The following TMEM161B variants were observed in gnomAD, a reference collection of about 807,000 sequenced individuals.
TMEM161B encodes the protein transmembrane protein 161B.
TMEM161B carries 34 observed loss-of-function variants against 61.8 expected under a neutral mutation model. That is an observed-to-expected ratio of 0.55 (90% CI 0.42 to 0.73). The LOEUF is 0.73. Among genes scored for constraint, TMEM161B ranks in the 30% least tolerant of loss-of-function variants. The pLI is 0.00. For missense variants in TMEM161B, 456 were observed against 558.5 expected (o/e 0.82, Z 1.85); for synonymous variants, 167 against 192.8 (o/e 0.87, Z 1.11).
rs201363995 is a variant in TMEM161B, at chr5:88,228,528, A to G, written c.108T>C (p.Ser36=). The G allele has an allele frequency of 5.0e-6, 8 of 1,588,694 alleles. No individual in the cohort carries two copies. In the East Asian group the frequency reaches 1.6e-4, roughly 31 times the overall value. ...CTGTAGGATGTTGATACCACCTCAA[A>G]CTAAGCAAAAAAAGAATTCTTTTAA... ...SLARWLLCNG[S]LRWYQHPTEE... Residue 36 remains serine, a splice_region_variant and synonymous_variant, in exon 3 of 12, where the codon AGT becomes AGC. Transcript: ENST00000296595.
intron 8 of TMEM161B, among the ~76,000 whole-genome samples, chr5:88,203,324 C>G (rs746971923): frequency 3.3e-5 from 5 of 152,044 alleles, no homozygotes; most frequent in Non-Finnish European, 7.4e-5. Flanking sequence ...AAATGACTTG[C>G]TCTTGGCAAT....
downstream of TMEM161B, among the ~76,000 whole-genome samples, chr5:88,186,614 T>A (rs1019725008): frequency 9.2e-5 from 14 of 152,104 alleles, no homozygotes; most frequent in African/African-American, 3.4e-4. Context: ...TTAATTTCTA[T>A]GAAATCTTTT....
chr5:88,188,637 CAGAGA>C (rs1400698304), downstream of TMEM161B, among the ~76,000 whole-genome samples: 1 of 152,148 alleles, frequency 6.6e-6, no homozygotes, highest in Non-Finnish European at 1.5e-5. Context: ...GGACGAGCCG[CAGAGA>C]AAACTCCTCA....
chr5:88,224,030 T>A (rs577270509), intron 4 of TMEM161B, among the ~76,000 whole-genome samples: 1 of 152,330 alleles, frequency 6.6e-6, no homozygotes, highest in South Asian at 2.1e-4. Flanking sequence ...TTCACGTATT[T>A]CGAAGCCACT....
intron 5 of TMEM161B, among the ~76,000 whole-genome samples, chr5:88,219,343 C>T (rs181457918): frequency 1.3e-5 from 2 of 152,080 alleles, no homozygotes; most frequent in East Asian, 3.9e-4. Flanking sequence ...AAGCTTAAAA[C>T]TAAAATCAAG....
chr5:88,185,606 A>C (rs1748322323), downstream of TMEM161B, among the ~76,000 whole-genome samples: 1 of 152,232 alleles, frequency 6.6e-6, no homozygotes. Context: ...TATATGTTCA[A>C]GAAAGTAGAG....
intron 2 of TMEM161B, among the ~76,000 whole-genome samples, chr5:88,235,078 T>C (rs989815111): frequency 6.6e-6 from 1 of 152,176 alleles, no homozygotes; most frequent in African/African-American, 2.4e-5. Context: ...ATCATTCTTA[T>C]ATAAACCTCT....
At chr5:88,249,004 G>C (rs975711799) in intron 1 of TMEM161B, among the ~76,000 whole-genome samples, 10 of 152,014 alleles carry the variant, frequency 6.6e-5, no homozygotes, top group South Asian at 2.1e-4. Flanking sequence ...CAAAGAAATG[G>C]AAAGTGGTTT....
chr5:88,228,625 C>T (rs1400410968), intron 2 of TMEM161B, 97 bp from the exon 3 acceptor site: 1 of 882,882 alleles, frequency 1.1e-6, no homozygotes, highest in Non-Finnish European at 1.7e-6. Flanking sequence ...TTTGTGAAGA[C>T]ACTGTCGAGA....
At chr5:88,236,595 A>G (rs1223101127) in intron 2 of TMEM161B, among the ~76,000 whole-genome samples, 1 of 152,226 alleles carries the variant, frequency 6.6e-6, no homozygotes, top group African/African-American at 2.4e-5. Context: ...GAGGGAAAGC[A>G]GTTCACAACA....
At chr5:88,222,899 G>A (rs1200545460) in intron 4 of TMEM161B, among the ~76,000 whole-genome samples, 5 of 151,936 alleles carry the variant, frequency 3.3e-5, no homozygotes, top group Non-Finnish European at 7.4e-5. Flanking sequence ...AGTTAAGACA[G>A]AAAACCCCAT....
At position 88,197,715 on chromosome 5, in the gene TMEM161B, C is replaced by T. The variant is rs781617561; in HGVS notation, c.1140G>A (p.Ala380=). 21 of 1,612,940 alleles carry T rather than the reference C, an allele frequency of 1.3e-5. No homozygotes were observed. Among genetic ancestry groups the T allele is most frequent in the Admixed American group, 1.7e-5 (1 of 59,942 alleles). ...TTGTGTGAAGCAGCATTACCAGAGG[C>T]GCCACATACTGCAGTGCAATGACAC... ...YLCVIALQYV[A]PLVMLLHTTL... is the part of the protein sequence containing the mutation. Residue 380 remains alanine, a synonymous_variant, in exon 11 of 12, where the codon GCG becomes GCA. Transcript: ENST00000296595.
Position 88,228,547 on chromosome 5 carries a change from C to A in TMEM161B, c.108-19G>T, listed in dbSNP as rs369967221. On this transcript the variant is annotated intron_variant, in intron 2 of 11. Coordinates refer to ENST00000296595, the MANE Select transcript of TMEM161B (RefSeq NM_153354.5). ...CCTCAAACTAAGCAAAAAAAGAATT[C>A]TTTTAAATAAAGCGCTTAAAATCAC... 1.9e-6 allele frequency: 3 copies of A among 1,543,562 alleles called. No individual in the cohort carries two copies. Among genetic ancestry groups the A allele is most frequent in the East Asian group, 4.6e-5 (2 of 43,954 alleles).
intron 2 of TMEM161B, among the ~76,000 whole-genome samples, chr5:88,237,574 G>C (rs1752064074): frequency 1.3e-5 from 2 of 151,956 alleles, no homozygotes; most frequent in Admixed American, 1.3e-4. Context: ...ATAACACTGA[G>C]ATTTTGGAAG....
At chr5:88,264,475 A>G (rs942894968) in intron 1 of TMEM161B, among the ~76,000 whole-genome samples, 1 of 152,224 alleles carries the variant, frequency 6.6e-6, no homozygotes, top group African/African-American at 2.4e-5. Flanking sequence ...ACGCTTTTAC[A>G]CTGCTGGTGG....
At chr5:88,255,516 G>A (rs1162213931) in intron 1 of TMEM161B, among the ~76,000 whole-genome samples, 2 of 152,126 alleles carry the variant, frequency 1.3e-5, no homozygotes, top group African/African-American at 4.8e-5. Flanking sequence ...CTATGAAATT[G>A]CTAATACTTA....
intron 9 of TMEM161B, chr5:88,200,705 A>C (rs1360303134): frequency 1.3e-5 from 2 of 152,124 alleles, no homozygotes; most frequent in African/African-American, 2.4e-5. Context: ...GGAGGAGCTT[A>C]AAGTATATAG....
intron 8 of TMEM161B, among the ~76,000 whole-genome samples, chr5:88,203,872 C>T (rs1407233224): frequency 1.4e-5 from 2 of 144,760 alleles, no homozygotes; most frequent in Admixed American, 6.9e-5. Flanking sequence ...TTCAGGTCTG[C>T]GCTATAACTT....
intron 1 of TMEM161B, among the ~76,000 whole-genome samples, chr5:88,246,892 C>T (rs959378932): frequency 1.3e-5 from 2 of 151,922 alleles, no homozygotes; most frequent in African/African-American, 4.8e-5. Context: ...ATTCAAGTAG[C>T]CTTAATGGTT....
Sources: allele counts gnomAD v4.1 joint callset (sites outside exome capture counted in the v4.1 genomes callset), GRCh38; gene constraint gnomAD v4.1.1; transcripts MANE v1.5; gene names NCBI Gene and HGNC (gene_info 2026-07-23, HGNC 2026-07-21).